The following TMEM245 variants were observed in gnomAD, a reference collection of about 807,000 sequenced individuals.
The protein encoded by TMEM245 is transmembrane protein 245, also known as protein CG-2.
TMEM245 carries 69 observed loss-of-function variants against 101.2 expected under a neutral mutation model. The observed-to-expected ratio is 0.68, with a 90% CI of 0.56 to 0.83. TMEM245 has a LOEUF of 0.83. Ranked by LOEUF, TMEM245 falls within the 40% of genes least tolerant of loss-of-function variation. TMEM245 has a pLI of 0.00. For synonymous variants in TMEM245, 537 were observed against 449.8 expected (o/e 1.19, Z -2.45); for missense variants, 1,075 against 1,092.8 (o/e 0.98, Z 0.23).
chr9:109,077,636 T>C (rs1829549729), intron 8 of TMEM245, among the ~76,000 whole-genome samples: 2 of 152,254 alleles, frequency 1.3e-5, no homozygotes, highest in South Asian at 4.1e-4. Flanking sequence ...ACTGTTATCT[T>C]ATGTCAATAT....
intron 17 of TMEM245, 85 bp from the exon 18 acceptor site, chr9:109,020,590 T>G: frequency 8.5e-7 from 1 of 1,171,188 alleles, no homozygotes. Flanking sequence ...CTAATGAGAT[T>G]ATATAGTCAC....
At chr9:109,059,364 T>G (rs933476711) in intron 11 of TMEM245, among the ~76,000 whole-genome samples, 1 of 152,126 alleles carries the variant, frequency 6.6e-6, no homozygotes, top group African/African-American at 2.4e-5. Context: ...TTAAGAGACT[T>G]ACATATATAC....
intron 9 of TMEM245, among the ~76,000 whole-genome samples, chr9:109,066,708 T>G (rs1475991424): frequency 6.6e-6 from 1 of 151,758 alleles, no homozygotes; most frequent in East Asian, 1.9e-4. Context: ...TATATTGGTA[T>G]TATATTGATA....
intron 3 of TMEM245, among the ~76,000 whole-genome samples, chr9:109,097,238 T>C (rs900349873): frequency 1.3e-5 from 2 of 152,038 alleles, no homozygotes; most frequent in Admixed American, 6.6e-5. Context: ...AGAGCAGGGG[T>C]AGAAAAGTGT....
At chr9:109,045,438 T>C (rs531154030) in intron 14 of TMEM245, among the ~76,000 whole-genome samples, 5 of 152,234 alleles carry the variant, frequency 3.3e-5, no homozygotes, top group African/African-American at 7.2e-5. Flanking sequence ...CACAGAAACA[T>C]ACAATGACAG....
chr9:109,107,216 C>T (rs1316016996), intron 2 of TMEM245, among the ~76,000 whole-genome samples: 1 of 151,326 alleles, frequency 6.6e-6, no homozygotes, highest in Non-Finnish European at 1.5e-5. Context: ...GGTGAAATCC[C>T]ATCTCCACTA....
intron 8 of TMEM245, among the ~76,000 whole-genome samples, chr9:109,079,563 G>C (rs778613544): frequency 6.6e-6 from 1 of 152,036 alleles, no homozygotes; most frequent in Non-Finnish European, 1.5e-5. Context: ...AACCAATAAG[G>C]TTCCCTCAAA....
intron 8 of TMEM245, among the ~76,000 whole-genome samples, chr9:109,073,653 TCAA>T (rs1248788202): frequency 6.6e-6 from 1 of 152,234 alleles, no homozygotes; most frequent in Non-Finnish European, 1.5e-5. Context: ...AGCTCCCTGT[TCAA>T]CACATTACTT....
At chr9:109,078,284 A>G (rs561845292) in intron 8 of TMEM245, among the ~76,000 whole-genome samples, 9 of 152,120 alleles carry the variant, frequency 5.9e-5, no homozygotes, top group Non-Finnish European at 1.3e-4. Context: ...TTCTTTAGTC[A>G]TATTTGTTTA....
chr9:109,037,336 C>A (rs1828159999), intron 15 of TMEM245, among the ~76,000 whole-genome samples: 1 of 152,184 alleles, frequency 6.6e-6, no homozygotes, highest in African/African-American at 2.4e-5. Flanking sequence ...CCAATTATGT[C>A]CTAGGTGTTA....
At chr9:109,069,933 A>C (rs562093691) in intron 9 of TMEM245, among the ~76,000 whole-genome samples, 2 of 152,226 alleles carry the variant, frequency 1.3e-5, no homozygotes, top group Admixed American at 6.5e-5. Flanking sequence ...TGCTAAACCC[A>C]ATTTCACTCT....
intron 5 of TMEM245, 124 bp from the exon 6 acceptor site, chr9:109,087,466 A>C: frequency 9.8e-7 from 1 of 1,019,168 alleles, no homozygotes; most frequent in Non-Finnish European, 1.4e-6. Context: ...AAGAAGATCA[A>C]TGTTAAAAAG....
rs1190619187 is a variant in TMEM245, at chr9:109,018,323, A to G, written c.*2137T>C. ...TAGTATTACATATGATCTGGCTAAG[A>G]GCAAGAGGCCTTCTTATGAGTGATC... On this transcript the variant is annotated 3_prime_UTR_variant, in exon 18 of 18. Transcript: ENST00000374586. 2 of 152,218 alleles carry G rather than the reference A, an allele frequency of 1.3e-5. No individual in the cohort carries two copies. Among genetic ancestry groups the G allele is most frequent in the African/African-American group, 2.4e-5 (1 of 41,448 alleles). 9.4% of individuals were successfully genotyped at this position (152,218 alleles called of 1,614,324 possible).
At position 109,093,584 on chromosome 9, in the gene TMEM245, C is replaced by T. The variant is rs1248298823; in HGVS notation, c.807G>A (p.Glu269=). 6 of 1,613,680 alleles carry T rather than the reference C, an allele frequency of 3.7e-6. No individual in the cohort carries two copies. In the Admixed American group the frequency reaches 8.3e-5, roughly 22 times the overall value. ...KQNGKESSGA[E]LPGQVISMAA... ...CCATGGAGATAACCTGCCCTGGTAACTCTGCCCCTGTAAAAGAAGCATCCA... is the reference window on the plus strand; with the variant it reads ...CCATGGAGATAACCTGCCCTGGTAATTCTGCCCCTGTAAAAGAAGCATCCA... Residue 269 remains glutamate, a synonymous_variant, in exon 4 of 18, where the codon GAG becomes GAA. Transcript: ENST00000374586.
At chr9:109,087,960 C>T (rs1294432370) in intron 5 of TMEM245, among the ~76,000 whole-genome samples, 2 of 152,178 alleles carry the variant, frequency 1.3e-5, no homozygotes, top group Admixed American at 6.5e-5. Context: ...AGGCTGTGCA[C>T]GGCAACTTCA....
chr9:109,030,631 C>CAGA, intron 17 of TMEM245, among the ~76,000 whole-genome samples: 1 of 152,342 alleles, frequency 6.6e-6, no homozygotes, highest in Middle Eastern at 3.4e-3. Flanking sequence ...TCTCAGGTAT[C>CAGA]TGAGCACTTG....
intron 17 of TMEM245, among the ~76,000 whole-genome samples, chr9:109,029,634 T>G (rs1054587629): frequency 1.3e-5 from 2 of 152,184 alleles, no homozygotes; most frequent in Non-Finnish European, 2.9e-5. Flanking sequence ...TAAGAGGATG[T>G]GCTCCACCAA....
chr9:109,057,121 T>C, intron 12 of TMEM245, 70 bp downstream of exon 12: 2 of 1,541,746 alleles, frequency 1.3e-6, no homozygotes. Context: ...TCAAAGTGTA[T>C]GAAGAAAACT....
At chr9:109,072,735 G>C (rs1829372956) in intron 9 of TMEM245, among the ~76,000 whole-genome samples, 1 of 152,232 alleles carries the variant, frequency 6.6e-6, no homozygotes, top group Non-Finnish European at 1.5e-5. Flanking sequence ...ACTGGGCATG[G>C]TGGTGTACAC....
Sources: allele counts gnomAD v4.1 joint callset (sites outside exome capture counted in the v4.1 genomes callset), GRCh38; gene constraint gnomAD v4.1.1; transcripts MANE v1.5; gene names NCBI Gene and HGNC (gene_info 2026-07-23, HGNC 2026-07-21).